Variants in BICDL1 observed in about 807,000 individuals in gnomAD.
The protein encoded by BICDL1 is BICD family-like cargo adapter 1.
BICDL1 carries 20 observed loss-of-function variants against 76.8 expected under a neutral mutation model. The observed-to-expected ratio is 0.26, with a 90% CI of 0.18 to 0.38. The LOEUF (loss-of-function observed/expected upper bound fraction) is 0.38, where lower values mean the gene tolerates loss of function less well. Among genes scored for constraint, BICDL1 ranks in the 10% least tolerant of loss-of-function variants. The pLI, the probability that BICDL1 is intolerant of heterozygous loss-of-function variation, is 1.00. For synonymous variants in BICDL1, 383 were observed against 337.1 expected (o/e 1.14, Z -1.49); for missense variants, 700 against 798.6 (o/e 0.88, Z 1.49).
chr12:120,015,626 C>T (rs1170567148), intron 2 of BICDL1, among the ~76,000 whole-genome samples: 5 of 152,156 alleles, frequency 3.3e-5, no homozygotes, highest in Admixed American at 1.3e-4. Flanking sequence ...GGGCTGAGCA[C>T]CTTATCTGGA....
At chr12:120,037,105 G>T (rs191567623) in intron 2 of BICDL1, among the ~76,000 whole-genome samples, 1 of 152,238 alleles carries the variant, frequency 6.6e-6, no homozygotes, top group African/African-American at 2.4e-5. Flanking sequence ...TTCATGTCCT[G>T]CTTGAATGCA....
At chr12:120,090,587 T>TC (rs59506691) in intron 9 of BICDL1, among the ~76,000 whole-genome samples, 3 of 151,952 alleles carry the variant, frequency 2.0e-5, no homozygotes, top group Admixed American at 1.3e-4. Context: ...CCAGCATGGC[T>TC]CCCCCACTGG....
rs1014350394 is a variant in BICDL1 at position 120,058,660 on chromosome 12, G to C, written c.646-3050G>C. 1.3e-4 allele frequency among the ~76,000 whole-genome samples: 19 copies of C among 145,432 alleles called. 1 individual carries two copies. Among genetic ancestry groups the C allele is most frequent in the African/African-American group, 4.9e-4 (19 of 39,096 alleles). ...GGCTGGAGTGCAGTGGCGCGATCTT[G>C]GCTCACTGCAACCTCCCTCTCCTGG... On this transcript the variant is annotated intron_variant, in intron 2 of 9. Transcript: ENST00000548673.
At chr12:120,091,431 C>G in intron 9 of BICDL1, 6 of 1,007,150 alleles carry the variant, frequency 6.0e-6, no homozygotes, top group Non-Finnish European at 4.7e-6. Context: ...TTTAGCATTC[C>G]TACATTGGAT....
intron 2 of BICDL1, among the ~76,000 whole-genome samples, chr12:120,047,371 T>C (rs1479335725): frequency 6.6e-6 from 1 of 151,998 alleles, no homozygotes; most frequent in African/African-American, 2.4e-5. Flanking sequence ...GAAATGGGAG[T>C]CAGAAGCTAA....
rs1594093633 is a variant in BICDL1 at position 119,998,748 on chromosome 12, A to G, written c.645+12A>G. On this transcript the variant is annotated intron_variant, in intron 2 of 9. Transcript: ENST00000548673. The stretch of plus-strand genomic sequence containing the variant: ...ATCAGCTCAGCAGGGTGAGTCACAA[A>G]TTAAGAATTTAAGATGTAAAATACT... The G allele has an allele frequency of 6.2e-7, 1 of 1,610,014 alleles. No individual in the cohort carries two copies. Among genetic ancestry groups the G allele is most frequent in the Non-Finnish European group, 8.5e-7 (1 of 1,177,556 alleles).
At chr12:120,088,604 A>C (rs1594222418) in intron 8 of BICDL1, among the ~76,000 whole-genome samples, 1 of 150,840 alleles carries the variant, frequency 6.6e-6, no homozygotes, top group Non-Finnish European at 1.5e-5. Context: ...TGATCCTTCC[A>C]CCTTGGCCTC....
At chr12:120,039,637 CAAAAAAAAAAAAA>C (rs58284420) in intron 2 of BICDL1, among the ~76,000 whole-genome samples, 1 of 54,760 alleles carries the variant, frequency 1.8e-5, no homozygotes, top group Non-Finnish European at 3.5e-5. Context: ...GACTCCGTCT[CAAAAAAAAAAAAA>C]AAAAAAAAAA....
chr12:120,041,549 C>G (rs1009973440), intron 2 of BICDL1, among the ~76,000 whole-genome samples: 1 of 151,840 alleles, frequency 6.6e-6, no homozygotes, highest in Non-Finnish European at 1.5e-5. Flanking sequence ...GGCAATAGCT[C>G]GATTAACAAA....
chr12:119,990,999 C>A (rs556197233), intron 1 of BICDL1, among the ~76,000 whole-genome samples: 62 of 152,316 alleles, frequency 4.1e-4, no homozygotes, highest in Non-Finnish European at 6.3e-4. Flanking sequence ...ACTTTAACTT[C>A]TGTTATAAAA....
At chr12:120,088,503 CCT>C (rs1874628448) in intron 8 of BICDL1, among the ~76,000 whole-genome samples, 1 of 151,298 alleles carries the variant, frequency 6.6e-6, no homozygotes. Flanking sequence ...ATTACAGGCA[CCT>C]GCCACCACAC....
chr12:120,081,627 G>A (rs1029071850), intron 8 of BICDL1, among the ~76,000 whole-genome samples: 1 of 151,748 alleles, frequency 6.6e-6, no homozygotes, highest in Non-Finnish European at 1.5e-5. Flanking sequence ...GAGATTACAG[G>A]CGTGAGCCAC....
intron 2 of BICDL1, among the ~76,000 whole-genome samples, chr12:120,035,642 C>G (rs1952517337): frequency 6.6e-6 from 1 of 152,102 alleles, no homozygotes; most frequent in South Asian, 2.1e-4. Flanking sequence ...GCGTCAAAAT[C>G]TTTTTTAAAG....
intron 2 of BICDL1, among the ~76,000 whole-genome samples, chr12:120,010,172 A>G (rs547190050): frequency 2.6e-5 from 4 of 152,226 alleles, no homozygotes; most frequent in South Asian, 2.1e-4. Context: ...TGCCACTTCT[A>G]TTAACTAAAG....
intron 9 of BICDL1, 27 bp from the exon 10 acceptor site, chr12:120,092,973 C>T (rs772283282): frequency 2.6e-6 from 4 of 1,532,714 alleles, no homozygotes; most frequent in Non-Finnish European, 3.5e-6. Context: ...CTACTCAGTC[C>T]TGGCCACTGT....
At chr12:120,020,156 G>C (rs999853439) in intron 2 of BICDL1, among the ~76,000 whole-genome samples, 2 of 151,876 alleles carry the variant, frequency 1.3e-5, no homozygotes, top group African/African-American at 4.8e-5. Flanking sequence ...CTAATTCCAG[G>C]TCTGAAACAG....
chr12:119,999,150 C>G (rs922955619), intron 2 of BICDL1, among the ~76,000 whole-genome samples: 1 of 151,458 alleles, frequency 6.6e-6, no homozygotes, highest in Non-Finnish European at 1.5e-5. Context: ...TTTTGTATGC[C>G]TTCGTTTTTA....
At position 120,093,943 on chromosome 12, in the gene BICDL1, G is replaced by C. The variant is rs575661805; in HGVS notation, c.*782G>C. On this transcript the variant is annotated 3_prime_UTR_variant, in exon 10 of 10. Transcript: ENST00000548673. Reference sequence around the variant, plus strand: ...CCCCTGCTCAGGGCTGGGGTTGGACGGGGTCTCCTCCTCCCACAGCTCCCT... The same window carrying C: ...CCCCTGCTCAGGGCTGGGGTTGGACCGGGTCTCCTCCTCCCACAGCTCCCT... 1 of 317,928 alleles carries C rather than the reference G, an allele frequency of 3.1e-6. No homozygotes were observed. Among genetic ancestry groups the C allele is most frequent in the Non-Finnish European group, 6.3e-6 (1 of 158,842 alleles). The allele number at this position is 317,928 out of a possible 1,614,324, so 19.7% of individuals were successfully genotyped here.
chr12:120,020,511 T>C (rs570922186), intron 2 of BICDL1, among the ~76,000 whole-genome samples: 2 of 152,332 alleles, frequency 1.3e-5, no homozygotes, highest in South Asian at 4.1e-4. Flanking sequence ...ATTAAGCATT[T>C]TTCCAGGAGC....
Sources: allele counts gnomAD v4.1 joint callset (sites outside exome capture counted in the v4.1 genomes callset), GRCh38; gene constraint gnomAD v4.1.1; transcripts MANE v1.5; gene names NCBI Gene and HGNC (gene_info 2026-07-23, HGNC 2026-07-21).